ARMH3: variants seen among roughly 807,000 people sequenced by gnomAD.
ARMH3 encodes the protein armadillo like helical domain containing 3.
A neutral mutation model predicts 99.1 loss-of-function variants in ARMH3; 60 were observed. The observed-to-expected ratio is 0.61, with a 90% CI of 0.49 to 0.75. ARMH3 has a LOEUF of 0.75. Among genes scored for constraint, ARMH3 ranks in the 30% least tolerant of loss-of-function variants. The pLI, the probability that ARMH3 is intolerant of heterozygous loss-of-function variation, is 0.00. For synonymous variants in ARMH3, 285 were observed against 292.8 expected, an observed-to-expected ratio of 0.97 and a Z score of 0.27; for missense variants, 679 against 843.1, an observed-to-expected ratio of 0.81 and a Z score of 2.41.
At chr10:102,039,290 G>A (rs1482350519) in intron 2 of ARMH3, among the ~76,000 whole-genome samples, 3 of 152,016 alleles carry the variant, frequency 2.0e-5, no homozygotes, top group African/African-American at 7.2e-5. Flanking sequence ...GATTACAGGA[G>A]CGCACCACCA....
intron 5 of ARMH3, among the ~76,000 whole-genome samples, chr10:102,027,525 A>C (rs1419063660): frequency 7.9e-5 from 12 of 152,020 alleles, no homozygotes. Context: ...GATGCAGGAG[A>C]AACAGTGAGC....
chr10:101,858,658 A>G (rs754232704), intron 24 of ARMH3, among the ~76,000 whole-genome samples: 9 of 152,128 alleles, frequency 5.9e-5, no homozygotes, highest in African/African-American at 9.7e-5. Flanking sequence ...AGGTTTCCCA[A>G]TGAGGGATTT....
At chr10:101,942,541 G>A (rs528056745) in intron 22 of ARMH3, among the ~76,000 whole-genome samples, 1 of 152,278 alleles carries the variant, frequency 6.6e-6, no homozygotes, top group African/African-American at 2.4e-5. Context: ...AGCCAAACAG[G>A]AAGATTAAGT....
intron 19 of ARMH3, among the ~76,000 whole-genome samples, chr10:101,975,859 C>CAA (rs1199122463): frequency 1.8e-5 from 2 of 112,104 alleles, no homozygotes. Context: ...GATTACATCT[C>CAA]AAAAAAAAAA....
At chr10:101,848,179 G>T (rs2066504103) in intron 25 of ARMH3, among the ~76,000 whole-genome samples, 1 of 152,214 alleles carries the variant, frequency 6.6e-6, no homozygotes, top group African/African-American at 2.4e-5. Context: ...GACATTGCTA[G>T]TGAGTCCCAG....
chr10:102,013,917 T>C, intron 9 of ARMH3, 51 bp downstream of exon 9: 1 of 1,426,454 alleles, frequency 7.0e-7, no homozygotes, highest in Non-Finnish European at 9.7e-7. Context: ...CTGAAAGTAA[T>C]ACCATTGAAT....
At chr10:101,933,521 T>C (rs761860755) in intron 23 of ARMH3, among the ~76,000 whole-genome samples, 3 of 152,208 alleles carry the variant, frequency 2.0e-5, no homozygotes, top group Non-Finnish European at 4.4e-5. Flanking sequence ...GATTCAGTAT[T>C]TGGTTTTTTA....
At chr10:102,025,104 C>G (rs2066972243) in intron 6 of ARMH3, 52 bp downstream of exon 6, 2 of 1,447,810 alleles carry the variant, frequency 1.4e-6, no homozygotes, top group Non-Finnish European at 1.9e-6. Flanking sequence ...AGTATTCAAA[C>G]AGGATTGCCC....
At chr10:101,861,655 G>C (rs373594694) in intron 24 of ARMH3, among the ~76,000 whole-genome samples, 5 of 151,424 alleles carry the variant, frequency 3.3e-5, no homozygotes, top group African/African-American at 1.2e-4. Flanking sequence ...GCTTAAAGCC[G>C]GGAGGCAGAG....
At chr10:101,930,955 T>C (rs186006393) in intron 23 of ARMH3, among the ~76,000 whole-genome samples, 5 of 152,348 alleles carry the variant, frequency 3.3e-5, no homozygotes, top group African/African-American at 9.6e-5. Flanking sequence ...CCTCACTTTA[T>C]AGCTGAGAAA....
At chr10:101,864,072 A>AC (rs1356328511) in intron 24 of ARMH3, among the ~76,000 whole-genome samples, 2,621 of 134,328 alleles carry the variant, frequency 0.02, 40 homozygotes, top group Admixed American at 0.046. Context: ...AAAAAAAAAA[A>AC]AAAAAAACAC....
intron 20 of ARMH3, among the ~76,000 whole-genome samples, chr10:101,974,245 A>C (rs888308193): frequency 2.0e-5 from 3 of 152,246 alleles, no homozygotes; most frequent in African/African-American, 4.8e-5. Context: ...AAATTTAGAA[A>C]GCCAAACTGG....
intron 15 of ARMH3, among the ~76,000 whole-genome samples, chr10:101,998,132 CTTATATAATCACTAAAGCTAAAAATGAGT>C (rs1286362949): frequency 6.6e-6 from 1 of 152,184 alleles, no homozygotes; most frequent in African/African-American, 2.4e-5. Flanking sequence ...GACAAAGAAG[CTTATATAATCACTAAAGCTAAAAATGAGT>C]TCCAAGGGCC....
At chr10:102,019,601 T>G (rs1172642331) in intron 8 of ARMH3, among the ~76,000 whole-genome samples, 5 of 152,214 alleles carry the variant, frequency 3.3e-5, no homozygotes, top group Non-Finnish European at 7.4e-5. Flanking sequence ...TGTGTCTCAG[T>G]TTTTAACTAA....
At chr10:101,999,086 T>C (rs2066286087) in intron 15 of ARMH3, among the ~76,000 whole-genome samples, 2 of 152,206 alleles carry the variant, frequency 1.3e-5, no homozygotes, top group South Asian at 2.1e-4. Flanking sequence ...TGATTAACTC[T>C]GGAGAGTTTA....
intron 8 of ARMH3, among the ~76,000 whole-genome samples, chr10:102,015,368 AG>A (rs1173988480): frequency 6.6e-6 from 1 of 151,932 alleles, no homozygotes; most frequent in African/African-American, 2.4e-5. Flanking sequence ...GTCACCCAAA[AG>A]TAGACTGTTT....
chr10:101,849,955 T>C, intron 24 of ARMH3, 63 bp from the exon 25 acceptor site: 1 of 1,447,576 alleles, frequency 6.9e-7, no homozygotes, highest in Admixed American at 1.7e-5. Flanking sequence ...CTGAGCCCCA[T>C]TCTGCTGATC....
intron 20 of ARMH3, among the ~76,000 whole-genome samples, chr10:101,959,678 T>A (rs1425604370): frequency 6.6e-6 from 1 of 152,104 alleles, no homozygotes; most frequent in Non-Finnish European, 1.5e-5. Context: ...GTGAGAAATA[T>A]TAGAGGAGGA....
intron 22 of ARMH3, among the ~76,000 whole-genome samples, chr10:101,943,375 G>T (rs1844328751): frequency 1.3e-5 from 2 of 152,196 alleles, no homozygotes. Flanking sequence ...AGAGTGGAAA[G>T]ACCTAGTAAC....
Sources: allele counts gnomAD v4.1 joint callset (sites outside exome capture counted in the v4.1 genomes callset), GRCh38; gene constraint gnomAD v4.1.1; transcripts MANE v1.5; gene names NCBI Gene and HGNC (gene_info 2026-07-23, HGNC 2026-07-21).